CREBBP: variants seen among roughly 807,000 people sequenced by gnomAD.
CREBBP encodes CREB-binding protein.
In CREBBP, 19 loss-of-function variants were observed where a neutral mutation model predicts 265.0. The ratio of observed to expected loss-of-function variants is 0.07; its 90% CI spans 0.05 to 0.11. CREBBP has a LOEUF of 0.11. Among genes scored for constraint, CREBBP ranks in the 10% least tolerant of loss-of-function variants. The pLI is 1.00. For synonymous variants in CREBBP, 1,457 were observed against 1,223.7 expected (o/e 1.19, Z -3.98); for missense variants, 2,525 against 3,219.0 (o/e 0.78, Z 5.22).
intron 8 of CREBBP, among the ~76,000 whole-genome samples, chr16:3,779,589 T>C (rs529607870): frequency 5.3e-5 from 8 of 152,332 alleles, no homozygotes; most frequent in African/African-American, 1.2e-4. Flanking sequence ...TGTCAATACA[T>C]GAATGAAGTT....
At chr16:3,844,147 CAAAAAAA>C (rs545907683) in intron 2 of CREBBP, among the ~76,000 whole-genome samples, 12 of 19,714 alleles carry the variant, frequency 6.1e-4, no homozygotes, top group African/African-American at 1.8e-3. Context: ...GACTCCGTCT[CAAAAAAA>C]AAAAAAAAAA....
chr16:3,867,955 A>G (rs569099528), intron 1 of CREBBP, among the ~76,000 whole-genome samples: 1 of 152,210 alleles, frequency 6.6e-6, no homozygotes, highest in East Asian at 1.9e-4. Flanking sequence ...TTAAAAAAAT[A>G]GAACAAAGCC....
chr16:3,879,681 C>T, intron 1 of CREBBP, 151 bp downstream of exon 1: 1 of 868,328 alleles, frequency 1.2e-6, no homozygotes, highest in Admixed American at 2.0e-5. Flanking sequence ...CGAACTTCCA[C>T]CCTCCCGCGC....
At chr16:3,868,752 G>A (rs558458319) in intron 1 of CREBBP, among the ~76,000 whole-genome samples, 3 of 152,224 alleles carry the variant, frequency 2.0e-5, no homozygotes, top group African/African-American at 7.2e-5. Context: ...ATAGGCCACG[G>A]TGGGCACCAC....
intron 3 of CREBBP, among the ~76,000 whole-genome samples, chr16:3,795,326 A>G (rs1405376824): frequency 6.6e-6 from 1 of 152,232 alleles, no homozygotes; most frequent in African/African-American, 2.4e-5. Context: ...ATAATTAACA[A>G]CAATTAAAAT....
chr16:3,764,555 T>C (rs1019095891), intron 16 of CREBBP, among the ~76,000 whole-genome samples: 16 of 152,146 alleles, frequency 1.1e-4, no homozygotes, highest in African/African-American at 3.9e-4. Flanking sequence ...GGATTATAGG[T>C]GGGAGCCACT....
chr16:3,849,607 G>A (rs1485528690), intron 2 of CREBBP, among the ~76,000 whole-genome samples: 1 of 142,716 alleles, frequency 7.0e-6, no homozygotes, highest in Non-Finnish European at 1.5e-5. Flanking sequence ...CTAGAGTTGA[G>A]CTATCCACCC....
intron 1 of CREBBP, among the ~76,000 whole-genome samples, chr16:3,856,514 T>A (rs2054967989): frequency 2.0e-5 from 3 of 152,002 alleles, no homozygotes; most frequent in Admixed American, 2.0e-4. Flanking sequence ...AGAGATGGGG[T>A]CTTGCTATGT....
intron 16 of CREBBP, among the ~76,000 whole-genome samples, chr16:3,766,179 T>G (rs1173523108): frequency 6.6e-6 from 1 of 151,598 alleles, no homozygotes; most frequent in Admixed American, 6.6e-5. Context: ...GATCAATGGA[T>G]TCTAATGTCA....
At chr16:3,768,136 G>GTTTGTTTT (rs2052905281) in intron 15 of CREBBP, among the ~76,000 whole-genome samples, 19 of 51,612 alleles carry the variant, frequency 3.7e-4, no homozygotes, top group East Asian at 1.4e-3. Context: ...ATTTAAAAGT[G>GTTTGTTTT]TTTTTTTTTT....
intron 28 of CREBBP, among the ~76,000 whole-genome samples, chr16:3,734,239 C>T (rs1329041357): frequency 1.3e-5 from 2 of 152,174 alleles, no homozygotes; most frequent in Non-Finnish European, 2.9e-5. Flanking sequence ...CAGTGCTCCA[C>T]CCCACGCACC....
chr16:3,866,006 G>T (rs1202554748), intron 1 of CREBBP, among the ~76,000 whole-genome samples: 1 of 152,146 alleles, frequency 6.6e-6, no homozygotes, highest in Non-Finnish European at 1.5e-5. Context: ...TTCAGCACCA[G>T]GTGGTAACAC....
chr16:3,783,885 A>C (rs761057356), intron 5 of CREBBP, among the ~76,000 whole-genome samples: 1 of 152,180 alleles, frequency 6.6e-6, no homozygotes, highest in Non-Finnish European at 1.5e-5. Flanking sequence ...ACTTGCATCA[A>C]CTTGGACATT....
intron 28 of CREBBP, 102 bp from the exon 29 acceptor site, chr16:3,732,039 G>A (rs1231988538): frequency 1.2e-5 from 20 of 1,604,398 alleles, no homozygotes; most frequent in Admixed American, 1.7e-5. Context: ...TCAGGCCAAA[G>A]TAGGTCACCA....
rs1431621603 is a variant in CREBBP at position 3,726,784 on chromosome 16, T to C, written c.*934A>G. On this transcript the variant is annotated 3_prime_UTR_variant, in exon 31 of 31. Transcript: ENST00000262367. ...AAAAACCCCGAACACTAAGTGTTAA[T>C]ACCATGTACATGAATTCAAGAAGGA... 1 of 233,476 alleles carries C rather than the reference T, an allele frequency of 4.3e-6. No individual in the cohort carries two copies. The highest frequency in any genetic ancestry group is 8.5e-6 in the Non-Finnish European group (1 of 118,030). 14.5% of individuals were successfully genotyped at this position (233,476 alleles called of 1,614,324 possible).
intron 9 of CREBBP, 88 bp downstream of exon 9, chr16:3,778,612 C>G: frequency 2.7e-6 from 3 of 1,120,978 alleles, no homozygotes; most frequent in Admixed American, 1.7e-5. Flanking sequence ...TACATAGATT[C>G]CACTATTTCC....
chr16:3,822,470 G>A (rs940634102), intron 2 of CREBBP, among the ~76,000 whole-genome samples: 2 of 152,170 alleles, frequency 1.3e-5, no homozygotes, highest in African/African-American at 4.8e-5. Context: ...TTTGGGGCAG[G>A]AAAACAGAAC....
In CREBBP at chr16:3,731,402, G is replaced by T; in HGVS notation, c.4962C>A (p.Pro1654=). 1 of 1,609,040 alleles carries T rather than the reference G, an allele frequency of 6.2e-7. No homozygotes were observed. The highest frequency in any genetic ancestry group is 8.5e-7 in the Non-Finnish European group (1 of 1,178,080). Residue 1654 remains proline (P), a synonymous_variant, in exon 30 of 31, where the codon CCC becomes CCA. Transcript: ENST00000262367. The surrounding 1 kb of genome is among the most constrained non-coding windows in gnomAD (Gnocchi z 7.7). ...CATCCATGAGGTCACAGCTGAGCAG[G>T]GGGTCGGGGTCGACGATGGGGGGCA... ...NTLPPIVDPD[P]LLSCDLMDGR...
chr16:3,758,179 A>G, intron 17 of CREBBP, 131 bp from the exon 18 acceptor site: 1 of 951,688 alleles, frequency 1.1e-6, no homozygotes, highest in Non-Finnish European at 1.6e-6. Flanking sequence ...AACAGTAAGA[A>G]ATAGGAAATG....
Sources: gnomAD v4.1 joint callset for allele counts (sites outside exome capture counted in the v4.1 genomes callset) on GRCh38, gnomAD v4.1.1 for gene constraint, Gnocchi (gnomAD v3.1) non-coding constraint, MANE v1.5 for transcripts, NCBI Gene and HGNC (gene_info 2026-07-23, HGNC 2026-07-21) for gene names.